The following SLAIN2 variants were observed in gnomAD, a reference collection of about 807,000 sequenced individuals.
The protein encoded by SLAIN2 is SLAIN family member 2.
Under a neutral mutation model 56.6 loss-of-function variants are expected in SLAIN2, and 31 were observed. That is an observed-to-expected ratio of 0.55 (90% confidence interval 0.41 to 0.74). The LOEUF (loss-of-function observed/expected upper bound fraction) is 0.74, where lower values mean the gene tolerates loss of function less well. Among genes scored for constraint, SLAIN2 ranks in the 30% least tolerant of loss-of-function variants. SLAIN2 has a pLI of 0.00. For synonymous variants in SLAIN2, 317 were observed against 284.9 expected (o/e 1.11, Z -1.13); for missense variants, 777 against 754.2 (o/e 1.03, Z -0.35).
intron 6 of SLAIN2, 42 bp downstream of exon 6, chr4:48,383,826 G>A: frequency 6.4e-7 from 1 of 1,564,210 alleles, no homozygotes; most frequent in Non-Finnish European, 8.7e-7. Context: ...GTTATTTAAA[G>A]AGAAGTGAAA....
intron 6 of SLAIN2, among the ~76,000 whole-genome samples, chr4:48,406,329 G>A (rs185192619): frequency 1.3e-5 from 2 of 152,140 alleles, no homozygotes; most frequent in Non-Finnish European, 2.9e-5. Context: ...TGCAGAGCTT[G>A]TGGGCAATTA....
intron 6 of SLAIN2, among the ~76,000 whole-genome samples, chr4:48,389,029 A>G (rs367984857): frequency 9.2e-5 from 14 of 152,326 alleles, no homozygotes; most frequent in African/African-American, 3.4e-4. Flanking sequence ...AGGAATTCCC[A>G]TCCAGATTTC....
intron 1 of SLAIN2, among the ~76,000 whole-genome samples, chr4:48,343,432 A>AT (rs1338365869): frequency 3.3e-5 from 5 of 152,212 alleles, no homozygotes; most frequent in Non-Finnish European, 7.3e-5. Context: ...AACAGTTCTT[A>AT]TATGATGTTG....
intron 1 of SLAIN2, among the ~76,000 whole-genome samples, chr4:48,355,198 A>G (rs1169873791): frequency 6.6e-6 from 1 of 152,100 alleles, no homozygotes; most frequent in Non-Finnish European, 1.5e-5. Flanking sequence ...TCATTGTTAT[A>G]TTTCAGGAAA....
intron 6 of SLAIN2, among the ~76,000 whole-genome samples, chr4:48,400,539 A>G (rs1716522234): frequency 6.6e-6 from 1 of 151,630 alleles, no homozygotes; most frequent in African/African-American, 2.4e-5. Context: ...AGCTGGGATT[A>G]CAGGCATGTG....
intron 7 of SLAIN2, among the ~76,000 whole-genome samples, chr4:48,421,765 C>T (rs1365537859): frequency 1.3e-5 from 2 of 151,038 alleles, no homozygotes; most frequent in South Asian, 2.1e-4. Context: ...CCATCTTTTC[C>T]TTTCTTTTAT....
At chr4:48,369,264 T>A (rs529042952) in intron 1 of SLAIN2, among the ~76,000 whole-genome samples, 1 of 152,336 alleles carries the variant, frequency 6.6e-6, no homozygotes, top group South Asian at 2.1e-4. Context: ...CTGTATACTT[T>A]CCCTGTTAGC....
rs553815343 is a variant in SLAIN2, at chr4:48,424,448, A to T, written c.*2371A>T. ...TATGAATGTTGATTATTTTGTGCCA[A>T]CAGCCCAGAATTGTCACTTATATGT... On this transcript the variant is annotated 3_prime_UTR_variant, in exon 8 of 8. Coordinates refer to ENST00000264313, the MANE Select transcript of SLAIN2 (RefSeq NM_020846.2). 1 of 152,148 alleles carries T rather than the reference A, an allele frequency of 6.6e-6. No homozygotes were observed. Among genetic ancestry groups the T allele is most frequent in the Admixed American group, 6.6e-5 (1 of 15,264 alleles). 9.4% of individuals were successfully genotyped at this position (152,148 alleles called of 1,614,324 possible).
At position 48,424,778 on chromosome 4, in the gene SLAIN2, G is replaced by GT. The variant is rs946889658; in HGVS notation, c.*2708dup. 3 of 150,820 alleles carry GT rather than the reference G, an allele frequency of 2.0e-5. No homozygotes were observed. Among genetic ancestry groups the GT allele is most frequent in the African/African-American group, 4.9e-5 (2 of 41,078 alleles). 9.3% of individuals were successfully genotyped at this position (150,820 alleles called of 1,614,324 possible). On this transcript the variant is annotated 3_prime_UTR_variant, in exon 8 of 8. Coordinates refer to ENST00000264313, the MANE Select transcript of SLAIN2 (RefSeq NM_020846.2). Reference sequence around the variant, plus strand: ...TACATCACTTTTATAAAAAAAAAAAGTTTTTTTGAAAGAAAATTAGATACA... The same window carrying GT: ...TACATCACTTTTATAAAAAAAAAAAGTTTTTTTTGAAAGAAAATTAGATACA...
chr4:48,380,339 G>A (rs920262707), intron 4 of SLAIN2, among the ~76,000 whole-genome samples: 9 of 151,972 alleles, frequency 5.9e-5, no homozygotes, highest in African/African-American at 2.4e-5. Context: ...ATACAATTAT[G>A]ACATCTAGGA....
At chr4:48,358,449 A>G (rs571702045) in intron 1 of SLAIN2, among the ~76,000 whole-genome samples, 1 of 151,714 alleles carries the variant, frequency 6.6e-6, no homozygotes, top group South Asian at 2.1e-4. Context: ...CCTCCCGAGT[A>G]GCTGAAATTA....
chr4:48,413,909 A>G (rs1256381718), intron 6 of SLAIN2, among the ~76,000 whole-genome samples: 1 of 152,194 alleles, frequency 6.6e-6, no homozygotes, highest in Non-Finnish European at 1.5e-5. Flanking sequence ...AGTTAAAAAG[A>G]TATGTATAAT....
chr4:48,359,953 A>G (rs1715272772), intron 1 of SLAIN2, among the ~76,000 whole-genome samples: 1 of 152,046 alleles, frequency 6.6e-6, no homozygotes, highest in Non-Finnish European at 1.5e-5. Context: ...CAGGAGTTCG[A>G]GACCAGCCTG....
At chr4:48,352,082 A>C (rs1358964428) in intron 1 of SLAIN2, among the ~76,000 whole-genome samples, 1 of 151,838 alleles carries the variant, frequency 6.6e-6, no homozygotes, top group Non-Finnish European at 1.5e-5. Context: ...TGGCCTGTGA[A>C]ATCTAGGAGG....
intron 1 of SLAIN2, among the ~76,000 whole-genome samples, chr4:48,363,547 G>C (rs1195764860): frequency 1.1e-5 from 1 of 87,538 alleles, no homozygotes; most frequent in Admixed American, 9.6e-5. Flanking sequence ...CCTCCCAGAC[G>C]GGGCGGCTGG....
intron 6 of SLAIN2, among the ~76,000 whole-genome samples, chr4:48,400,044 T>C (rs1397733691): frequency 6.6e-6 from 1 of 152,200 alleles, no homozygotes; most frequent in Non-Finnish European, 1.5e-5. Flanking sequence ...AGTCTCTCCT[T>C]TTCAATTGTT....
intron 2 of SLAIN2, among the ~76,000 whole-genome samples, chr4:48,376,088 G>C (rs1274536989): frequency 6.6e-6 from 1 of 152,180 alleles, no homozygotes; most frequent in Non-Finnish European, 1.5e-5. Flanking sequence ...ACCATATCCT[G>C]TTTCTTGTAT....
At chr4:48,345,024 A>AT (rs1166256122) in intron 1 of SLAIN2, among the ~76,000 whole-genome samples, 1 of 152,096 alleles carries the variant, frequency 6.6e-6, no homozygotes, top group East Asian at 1.9e-4. Flanking sequence ...GCTTATAAAT[A>AT]TTTTTTGCCT....
chr4:48,414,692 A>C, intron 6 of SLAIN2, among the ~76,000 whole-genome samples: 1 of 109,294 alleles, frequency 9.1e-6, no homozygotes. Context: ...ATATCTCCCA[A>C]TGCTATCCCT....
Sources: allele counts gnomAD v4.1 joint callset (sites outside exome capture counted in the v4.1 genomes callset), GRCh38; gene constraint gnomAD v4.1.1; transcripts MANE v1.5; gene names NCBI Gene and HGNC (gene_info 2026-07-23, HGNC 2026-07-21).